The following MARCHF1 variants were observed in gnomAD, a reference collection of about 807,000 sequenced individuals.
MARCHF1 encodes the protein E3 ubiquitin-protein ligase MARCHF1.
A neutral mutation model predicts 54.2 loss-of-function variants in MARCHF1; 40 were observed. The ratio of observed to expected loss-of-function variants is 0.74; its 90% CI spans 0.57 to 0.96. The LOEUF (loss-of-function observed/expected upper bound fraction) is 0.96, where lower values mean the gene tolerates loss of function less well. MARCHF1 is among the 40% of genes least tolerant of loss of function. The pLI is 0.00. For missense variants in MARCHF1, 586 were observed against 656.5 expected, an observed-to-expected ratio of 0.89 and a Z score of 1.17; for synonymous variants, 236 against 236.3, an observed-to-expected ratio of 1.00 and a Z score of 0.01.
intron 1 of MARCHF1, among the ~76,000 whole-genome samples, chr4:164,322,437 T>C (rs1302965529): frequency 1.3e-5 from 2 of 151,404 alleles, no homozygotes; most frequent in African/African-American, 2.4e-5. Flanking sequence ...TAGTGGGAGG[T>C]TGGGGGGAGG....
At chr4:163,951,410 T>C (rs766642852) in intron 3 of MARCHF1, among the ~76,000 whole-genome samples, 1 of 152,158 alleles carries the variant, frequency 6.6e-6, no homozygotes, top group South Asian at 2.1e-4. Context: ...CCAATTTAAG[T>C]GAGCAGGAGG....
chr4:163,812,564 C>A (rs1323217798), intron 4 of MARCHF1, among the ~76,000 whole-genome samples: 1 of 152,080 alleles, frequency 6.6e-6, no homozygotes. Context: ...TCGAGACCAG[C>A]CTGGCCAACA....
At chr4:163,916,393 A>T (rs772956349) in intron 3 of MARCHF1, among the ~76,000 whole-genome samples, 1 of 152,168 alleles carries the variant, frequency 6.6e-6, no homozygotes, top group Non-Finnish European at 1.5e-5. Flanking sequence ...AGTAGAAGTC[A>T]TTCTAAGAAT....
chr4:164,227,432 C>T (rs565247388), intron 1 of MARCHF1, among the ~76,000 whole-genome samples: 10 of 152,170 alleles, frequency 6.6e-5, no homozygotes, highest in African/African-American at 2.4e-4. Context: ...GGACACAGAG[C>T]CAAACCATAT....
intron 4 of MARCHF1, among the ~76,000 whole-genome samples, chr4:163,788,198 G>A (rs1201193875): frequency 6.6e-6 from 1 of 151,746 alleles, no homozygotes; most frequent in Non-Finnish European, 1.5e-5. Context: ...AAATGATTAG[G>A]AGACAAATTT....
chr4:163,552,154 G>C (rs1162047407), intron 8 of MARCHF1, among the ~76,000 whole-genome samples: 1 of 152,162 alleles, frequency 6.6e-6, no homozygotes, highest in Non-Finnish European at 1.5e-5. Context: ...CCCAATGTGA[G>C]GGGACACTAT....
chr4:163,945,161 G>A lies in MARCHF1; in HGVS notation c.-39+43340C>T, dbSNP rs187912425. On this transcript the variant is annotated intron_variant, in intron 3 of 9. Coordinates refer to ENST00000514618, the MANE Select transcript of MARCHF1 (RefSeq NM_001394959.1). ...ATTTCAAGAAAATAATGTCACACAT[G>A]TTATCTATTTCTTTACAGAAATGTC... Among the ~76,000 whole-genome samples the A allele has an allele frequency of 3.3e-3, 507 of 152,148 alleles. 5 individuals carry two copies. The highest frequency in any genetic ancestry group is 0.011 in the African/African-American group (470 of 41,512).
At chr4:164,132,682 C>T (rs574037560) in intron 1 of MARCHF1, among the ~76,000 whole-genome samples, 2 of 152,228 alleles carry the variant, frequency 1.3e-5, no homozygotes, top group African/African-American at 4.8e-5. Context: ...TTAGTGTTTA[C>T]TGATGACACT....
intron 7 of MARCHF1, among the ~76,000 whole-genome samples, chr4:163,602,895 C>A (rs920967560): frequency 6.6e-6 from 1 of 151,868 alleles, no homozygotes; most frequent in Non-Finnish European, 1.5e-5. Flanking sequence ...CATCTAGGAC[C>A]AACAGGTAGA....
intron 2 of MARCHF1, among the ~76,000 whole-genome samples, chr4:164,067,006 C>T (rs974773829): frequency 3.4e-5 from 5 of 147,778 alleles, no homozygotes; most frequent in Non-Finnish European, 7.5e-5. Context: ...TGCACTTGTA[C>T]CTCTGAACTT....
At chr4:164,350,917 G>A (rs895291495) in intron 1 of MARCHF1, among the ~76,000 whole-genome samples, 24 of 152,180 alleles carry the variant, frequency 1.6e-4, no homozygotes, top group Non-Finnish European at 3.4e-4. Context: ...CACCGGGCGC[G>A]AGCCGAAGCA....
chr4:164,100,741 A>T (rs952925168), intron 2 of MARCHF1, among the ~76,000 whole-genome samples: 1 of 152,220 alleles, frequency 6.6e-6, no homozygotes, highest in African/African-American at 2.4e-5. Context: ...TTGTCTAAGG[A>T]ATAAGCTGGG....
chr4:163,902,304 T>G (rs1236321470), intron 3 of MARCHF1, among the ~76,000 whole-genome samples: 1 of 152,158 alleles, frequency 6.6e-6, no homozygotes, highest in Non-Finnish European at 1.5e-5. Flanking sequence ...AATTAAATAT[T>G]AAGAAGGCAA....
chr4:164,151,760 ATTTC>A (rs1377886272), intron 1 of MARCHF1, among the ~76,000 whole-genome samples: 10 of 152,084 alleles, frequency 6.6e-5, no homozygotes, highest in Admixed American at 3.3e-4. Flanking sequence ...AATTAAAAGT[ATTTC>A]TTTCTAACTC....
intron 7 of MARCHF1, among the ~76,000 whole-genome samples, chr4:163,597,165 C>G (rs1202438508): frequency 2.6e-5 from 4 of 152,094 alleles, no homozygotes; most frequent in African/African-American, 7.2e-5. Context: ...GCCATGTTGG[C>G]CAGGCTGGTC....
chr4:164,107,982 C>T (rs1464873106), intron 2 of MARCHF1, among the ~76,000 whole-genome samples: 1 of 152,088 alleles, frequency 6.6e-6, no homozygotes, highest in East Asian at 1.9e-4. Context: ...TATTTCCATT[C>T]ATCAGTTCAC....
intron 4 of MARCHF1, among the ~76,000 whole-genome samples, chr4:163,711,166 A>T (rs1281094226): frequency 6.6e-6 from 1 of 152,066 alleles, no homozygotes; most frequent in Non-Finnish European, 1.5e-5. Flanking sequence ...TTCTTACTTA[A>T]GTTCACCCAA....
chr4:163,675,257 C>A (rs1198997112), intron 5 of MARCHF1, among the ~76,000 whole-genome samples: 1 of 152,136 alleles, frequency 6.6e-6, no homozygotes, highest in African/African-American at 2.4e-5. Context: ...TGAAAAATAT[C>A]CAGCTGGATA....
intron 3 of MARCHF1, among the ~76,000 whole-genome samples, chr4:163,893,654 C>G (rs1483006760): frequency 1.3e-5 from 2 of 152,020 alleles, no homozygotes; most frequent in East Asian, 3.8e-4. Context: ...ATTACTATTG[C>G]TGAAATATAT....
Sources: allele counts gnomAD v4.1 joint callset (sites outside exome capture counted in the v4.1 genomes callset), GRCh38; gene constraint gnomAD v4.1.1; transcripts MANE v1.5; gene names NCBI Gene and HGNC (gene_info 2026-07-23, HGNC 2026-07-21).